ALK: variants seen among roughly 807,000 people sequenced by gnomAD.
The protein encoded by ALK is ALK receptor tyrosine kinase.
In ALK, 74 loss-of-function variants were observed where a neutral mutation model predicts 163.1. The ratio of observed to expected loss-of-function variants is 0.45; its 90% CI spans 0.38 to 0.55. The LOEUF (loss-of-function observed/expected upper bound fraction) is 0.55, where lower values mean the gene tolerates loss of function less well. Ranked by LOEUF, ALK falls within the 20% of genes least tolerant of loss-of-function variation. The pLI is 0.00. For missense variants in ALK, 2,063 were observed against 2,105.3 expected (o/e 0.98, Z 0.39); for synonymous variants, 960 against 843.2 (o/e 1.14, Z -2.40).
chr2:29,330,957 C>T (rs1667421897), intron 5 of ALK, among the ~76,000 whole-genome samples: 1 of 152,172 alleles, frequency 6.6e-6, no homozygotes, highest in South Asian at 2.1e-4. Context: ...TGTAAAAGAA[C>T]AAATTCATGT....
chr2:29,370,035 C>G (rs368132122), intron 5 of ALK, among the ~76,000 whole-genome samples: 48 of 151,980 alleles, frequency 3.2e-4, no homozygotes, highest in Admixed American at 2.6e-4. Context: ...GTGCAGGGAG[C>G]GAGCATGAGT....
At chr2:29,724,262 C>T (rs1679504756) in intron 1 of ALK, among the ~76,000 whole-genome samples, 2 of 152,172 alleles carry the variant, frequency 1.3e-5, no homozygotes, top group South Asian at 4.1e-4. Flanking sequence ...TTCCTTCCAA[C>T]AATAAAACAA....
chr2:29,877,509 G>A lies in ALK; in HGVS notation c.667+42484C>T, dbSNP rs575731257. Among the ~76,000 whole-genome samples the A allele has an allele frequency of 2.2e-4, 33 of 152,278 alleles. No homozygotes were observed. The Middle Eastern group carries it at 0.01, about 47-fold the overall frequency. On this transcript the variant is annotated intron_variant, in intron 1 of 28. Transcript: ENST00000389048. ...ACCATGACAGCAGAAACTTTTTTCT[G>A]TTTGGTTCACTGCTGTATCCCTAGC...
intron 3 of ALK, 112 bp from the exon 4 acceptor site, chr2:29,532,228 A>G (rs11899073): frequency 4.0e-6 from 4 of 990,106 alleles, no homozygotes; most frequent in African/African-American, 1.6e-5. Context: ...ACTGGAGGCC[A>G]TTATCTCCTT....
intron 3 of ALK, among the ~76,000 whole-genome samples, chr2:29,561,621 T>G (rs1172372169): frequency 6.6e-6 from 1 of 152,218 alleles, no homozygotes; most frequent in African/African-American, 2.4e-5. Flanking sequence ...AAGCCAGTGA[T>G]CTGTGCTAAA....
At chr2:29,603,811 T>A (rs1675444187) in intron 3 of ALK, among the ~76,000 whole-genome samples, 1 of 152,156 alleles carries the variant, frequency 6.6e-6, no homozygotes, top group African/African-American at 2.4e-5. Context: ...GAGCTTATGA[T>A]TCCCCCTATG....
At chr2:29,461,290 T>G (rs1671078143) in intron 4 of ALK, among the ~76,000 whole-genome samples, 1 of 152,178 alleles carries the variant, frequency 6.6e-6, no homozygotes, top group Non-Finnish European at 1.5e-5. Context: ...TATCTAGAGA[T>G]CTAGGTAAGA....
chr2:29,273,221 C>T (rs572795218), intron 11 of ALK, among the ~76,000 whole-genome samples: 3 of 152,366 alleles, frequency 2.0e-5, no homozygotes, highest in South Asian at 4.1e-4. Flanking sequence ...CTGTTGTAAC[C>T]ATGCACCGTG....
chr2:29,348,878 C>A (rs921297474), intron 5 of ALK, among the ~76,000 whole-genome samples: 1 of 152,218 alleles, frequency 6.6e-6, no homozygotes, highest in African/African-American at 2.4e-5. Context: ...GACCCAGATT[C>A]AATCAGGACC....
chr2:29,867,325 G>T lies in ALK; in HGVS notation c.667+52668C>A, dbSNP rs1197556516. 3.3e-5 allele frequency among the ~76,000 whole-genome samples: 5 copies of T among 152,196 alleles called. No homozygotes were observed. In the East Asian group the frequency reaches 5.8e-4, roughly 18 times the overall value. On this transcript the variant is annotated intron_variant, in intron 1 of 28. Coordinates refer to ENST00000389048, the MANE Select transcript of ALK (RefSeq NM_004304.5). Reference sequence around the variant, plus strand: ...TAAGAGATTGTCTAAATGTTCTCCAGGGCGAAGGTAGCGAGAGTAGAAGAA... The same window carrying T: ...TAAGAGATTGTCTAAATGTTCTCCATGGCGAAGGTAGCGAGAGTAGAAGAA...
At chr2:29,910,618 C>A (rs1187367917) in intron 1 of ALK, among the ~76,000 whole-genome samples, 1 of 152,056 alleles carries the variant, frequency 6.6e-6, no homozygotes, top group Non-Finnish European at 1.5e-5. Flanking sequence ...AAAGACATAA[C>A]AGGAAACAGG....
At position 29,816,740 on chromosome 2, in the gene ALK, G is replaced by A. The variant is rs1209018298; in HGVS notation, c.668-99043C>T. 3.3e-5 allele frequency among the ~76,000 whole-genome samples: 5 copies of A among 152,250 alleles called. No individual in the cohort carries two copies. In the Middle Eastern group the frequency reaches 0.014, roughly 414 times the overall value. ...CTTGAGCAATTGGCTGTGCCTCTCT[G>A]TGCCTCTGACTTCTCATCTGTAAAA... On this transcript the variant is annotated intron_variant, in intron 1 of 28. Coordinates refer to ENST00000389048, the MANE Select transcript of ALK (RefSeq NM_004304.5).
chr2:29,769,743 G>A (rs752739853), intron 1 of ALK, among the ~76,000 whole-genome samples: 15 of 152,168 alleles, frequency 9.9e-5, no homozygotes, highest in Admixed American at 4.6e-4. Flanking sequence ...AATGTGCATC[G>A]AGATGCTACA....
intron 1 of ALK, among the ~76,000 whole-genome samples, chr2:29,742,728 T>G (rs1284631459): frequency 1.3e-5 from 2 of 152,206 alleles, no homozygotes; most frequent in Non-Finnish European, 2.9e-5. Context: ...TGAGCAAGCA[T>G]GCCTTAGGTT....
At chr2:29,654,284 A>G (rs939718868) in intron 3 of ALK, among the ~76,000 whole-genome samples, 1 of 152,154 alleles carries the variant, frequency 6.6e-6, no homozygotes, top group South Asian at 2.1e-4. Context: ...TGGTTTGCTC[A>G]TAAGAGTATA....
chr2:29,834,998 G>A (rs895414049), intron 1 of ALK, among the ~76,000 whole-genome samples: 3 of 152,154 alleles, frequency 2.0e-5, no homozygotes, highest in Non-Finnish European at 4.4e-5. Context: ...AGACAAGCTC[G>A]CAGAGCCTTG....
intron 3 of ALK, among the ~76,000 whole-genome samples, chr2:29,580,854 G>C (rs1450672458): frequency 2.0e-5 from 3 of 152,174 alleles, no homozygotes; most frequent in Non-Finnish European, 4.4e-5. Flanking sequence ...CAGCTCTATG[G>C]GGTTTTGCTG....
chr2:29,284,852 C>T (rs113777124), intron 9 of ALK, among the ~76,000 whole-genome samples: 5 of 152,280 alleles, frequency 3.3e-5, no homozygotes, highest in South Asian at 2.1e-4. Flanking sequence ...GCTGAGCCAC[C>T]GGCCGCATCT....
chr2:29,825,206 T>C (rs1310911541), intron 1 of ALK, among the ~76,000 whole-genome samples: 1 of 152,248 alleles, frequency 6.6e-6, no homozygotes, highest in Non-Finnish European at 1.5e-5. Flanking sequence ...CTTCTTTGTT[T>C]TGTAAATTGC....
Sources: gnomAD v4.1 joint callset for allele counts (sites outside exome capture counted in the v4.1 genomes callset) on GRCh38, gnomAD v4.1.1 for gene constraint, MANE v1.5 for transcripts, NCBI Gene and HGNC (gene_info 2026-07-23, HGNC 2026-07-21) for gene names.